Variants in CUL3 observed in about 807,000 individuals in gnomAD.
CUL3 encodes cullin 3, also known as cullin-3.
Under a neutral mutation model 89.1 loss-of-function variants are expected in CUL3, and 19 were observed. The observed-to-expected ratio is 0.21, with a 90% CI of 0.15 to 0.31. CUL3 has a LOEUF of 0.31. Among genes scored for constraint, CUL3 ranks in the 10% least tolerant of loss-of-function variants. The pLI, the probability that CUL3 is intolerant of heterozygous loss-of-function variation, is 1.00. For missense variants in CUL3, 469 were observed against 942.3 expected (o/e 0.50, Z 6.58); for synonymous variants, 351 against 308.4 (o/e 1.14, Z -1.45).
chr2:224,551,805 GA>G (rs967243253), intron 2 of CUL3, among the ~76,000 whole-genome samples: 1 of 152,184 alleles, frequency 6.6e-6, no homozygotes, highest in South Asian at 2.1e-4. Flanking sequence ...GTCCTTTACA[GA>G]AAAAAATATT....
At chr2:224,577,149 T>A in intron 1 of CUL3, among the ~76,000 whole-genome samples, 1 of 152,256 alleles carries the variant, frequency 6.6e-6, no homozygotes, top group East Asian at 1.9e-4. Flanking sequence ...TAGTTAACTA[T>A]CTGCTAAGTT....
intron 1 of CUL3, among the ~76,000 whole-genome samples, chr2:224,584,667 G>A (rs1695531631): frequency 6.6e-6 from 1 of 150,996 alleles, no homozygotes; most frequent in Non-Finnish European, 1.5e-5. Context: ...AGGGGCCCCG[G>A]CCGCAGCCGA....
intron 1 of CUL3, chr2:224,560,744 G>A (rs762368638): frequency 4.6e-5 from 7 of 152,236 alleles, no homozygotes; most frequent in Non-Finnish European, 8.8e-5. Flanking sequence ...CAACCAGGGT[G>A]ACCATGTAAA....
chr2:224,564,609 G>A (rs999740736), intron 1 of CUL3, among the ~76,000 whole-genome samples: 6 of 152,130 alleles, frequency 3.9e-5, no homozygotes, highest in Non-Finnish European at 8.8e-5. Flanking sequence ...TAGGGCTCAG[G>A]GCTATATGGT....
intron 10 of CUL3, 140 bp from the exon 11 acceptor site, chr2:224,500,627 CTTT>C (rs11350781): frequency 0.012 from 4,530 of 393,414 alleles, no homozygotes; most frequent in South Asian, 0.017. Context: ...ATTTTCTTTT[CTTT>C]TTTTTTTTTT....
At position 224,585,139 on chromosome 2, in the gene CUL3, G is replaced by A; in HGVS notation, c.-130C>T. ...GGCGCGACCCCCGGGCAGGGCTGGG[G>A]AGCTGGCCGGCCCCTGGGCAGCCGC... On this transcript the variant is annotated 5_prime_UTR_variant, in exon 1 of 16. Transcript: ENST00000264414. The A allele has an allele frequency of 1.8e-6, 1 of 547,320 alleles. No individual in the cohort carries two copies. The highest frequency in any genetic ancestry group is 5.9e-5 in the South Asian group (1 of 16,958). 33.9% of individuals were successfully genotyped at this position (547,320 alleles called of 1,614,324 possible).
chr2:224,530,768 G>A (rs1340475936), intron 3 of CUL3, among the ~76,000 whole-genome samples: 1 of 152,008 alleles, frequency 6.6e-6, no homozygotes, highest in Non-Finnish European at 1.5e-5. Context: ...TTAGCCAGGT[G>A]TGGTGGCATG....
chr2:224,567,085 G>A (rs559829287), intron 1 of CUL3, among the ~76,000 whole-genome samples: 67 of 152,258 alleles, frequency 4.4e-4, no homozygotes, highest in African/African-American at 1.5e-3. Flanking sequence ...GGGTTCCATC[G>A]TGTTATTCCA....
intron 3 of CUL3, among the ~76,000 whole-genome samples, chr2:224,523,830 T>C (rs1047028153): frequency 6.6e-6 from 1 of 152,220 alleles, no homozygotes; most frequent in Non-Finnish European, 1.5e-5. Flanking sequence ...AAACACCTTA[T>C]GATTCCACTT....
chr2:224,542,439 C>A (rs1270936626), intron 2 of CUL3, among the ~76,000 whole-genome samples: 1 of 152,114 alleles, frequency 6.6e-6, no homozygotes, highest in Admixed American at 6.5e-5. Flanking sequence ...GATGCTCCCA[C>A]CTGAGCCTCC....
chr2:224,483,438 C>T (rs944672856), intron 13 of CUL3, among the ~76,000 whole-genome samples: 1 of 152,090 alleles, frequency 6.6e-6, no homozygotes, highest in African/African-American at 2.4e-5. Context: ...GAGAGTTAAG[C>T]ATAACAGTAG....
At chr2:224,492,051 G>A (rs11903863) in intron 13 of CUL3, among the ~76,000 whole-genome samples, 10 of 151,976 alleles carry the variant, frequency 6.6e-5, no homozygotes, top group Non-Finnish European at 7.4e-5. Flanking sequence ...TAAGGAGCAA[G>A]GCAGAATGAT....
chr2:224,532,782 T>C (rs189281390), intron 3 of CUL3, among the ~76,000 whole-genome samples: 7 of 152,096 alleles, frequency 4.6e-5, no homozygotes, highest in Non-Finnish European at 8.8e-5. Flanking sequence ...TAAGATCCAA[T>C]ATGAAAGGTA....
At position 224,471,971 on chromosome 2, in the gene CUL3, G is replaced by A; in HGVS notation, c.*2274C>T. 4.3e-6 allele frequency: 1 copy of A among 230,960 alleles called. No individual in the cohort carries two copies. The highest frequency in any genetic ancestry group is 8.6e-6 in the Non-Finnish European group (1 of 116,644). The allele number at this position is 230,960 out of a possible 1,614,324, so 14.3% of individuals were successfully genotyped here. A position where few individuals can be genotyped will look rare whatever the true frequency, so the allele number is the denominator to read the frequency against. ...AAGCATTAAAAACTGAGAAAAAATA[G>A]CATCTGTGACCTCTTGCTAAAAAGA... On this transcript the variant is annotated 3_prime_UTR_variant, in exon 16 of 16. Transcript: ENST00000264414.
chr2:224,497,426 T>A (rs1197731293), intron 12 of CUL3, among the ~76,000 whole-genome samples: 1 of 152,188 alleles, frequency 6.6e-6, no homozygotes, highest in Non-Finnish European at 1.5e-5. Flanking sequence ...AAGGGGCTCA[T>A]GGCTTTGTAT....
At chr2:224,529,501 T>C (rs4674918) in intron 3 of CUL3, among the ~76,000 whole-genome samples, 70,734 of 148,754 alleles carry the variant, frequency 0.48, 16,894 homozygotes, top group East Asian at 0.59. Context: ...TGGTGGTGGG[T>C]GCCTGTAGTC....
chr2:224,542,808 C>A (rs1694166854), intron 2 of CUL3, among the ~76,000 whole-genome samples: 1 of 152,062 alleles, frequency 6.6e-6, no homozygotes, highest in Non-Finnish European at 1.5e-5. Flanking sequence ...TAAAGAGAAA[C>A]AAAAGGAGCT....
At chr2:224,549,135 G>A (rs1012273893) in intron 2 of CUL3, among the ~76,000 whole-genome samples, 3 of 151,934 alleles carry the variant, frequency 2.0e-5, no homozygotes, top group Non-Finnish European at 4.4e-5. Context: ...TGGACAACAT[G>A]GCAAAACACC....
At chr2:224,479,500 T>A (rs552787390) in intron 14 of CUL3, 27 of 152,312 alleles carry the variant, frequency 1.8e-4, no homozygotes, top group African/African-American at 6.5e-4. Flanking sequence ...AAATGTAATG[T>A]GGAAATCTTG....
Sources: allele counts gnomAD v4.1 joint callset (sites outside exome capture counted in the v4.1 genomes callset), GRCh38; gene constraint gnomAD v4.1.1; transcripts MANE v1.5; gene names NCBI Gene and HGNC (gene_info 2026-07-23, HGNC 2026-07-21).